Variants in HTR7 observed in about 807,000 individuals in gnomAD.
HTR7 encodes 5-HT-7.
A neutral mutation model predicts 34.0 loss-of-function variants in HTR7; 16 were observed. The observed-to-expected ratio is 0.47, with a 90% confidence interval of 0.32 to 0.71. The LOEUF (loss-of-function observed/expected upper bound fraction) is 0.71, where lower values mean the gene tolerates loss of function less well. HTR7 is among the 30% of genes least tolerant of loss of function. The pLI, the probability that HTR7 is intolerant of heterozygous loss-of-function variation, is 0.04. For synonymous variants in HTR7, 265 were observed against 260.2 expected (o/e 1.02, Z -0.18); for missense variants, 504 against 625.5 (o/e 0.81, Z 2.07).
chr10:90,767,552 T>C (rs1411179268), intron 1 of HTR7, among the ~76,000 whole-genome samples: 3 of 152,184 alleles, frequency 2.0e-5, no homozygotes, highest in African/African-American at 4.8e-5. Flanking sequence ...CCCTCTTTGA[T>C]AGATAAATTT....
At chr10:90,791,208 C>A (rs1280727336) in intron 1 of HTR7, among the ~76,000 whole-genome samples, 1 of 151,686 alleles carries the variant, frequency 6.6e-6, no homozygotes, top group East Asian at 1.9e-4. Context: ...AATACCTGAA[C>A]ACAAGAAGGT....
At chr10:90,826,796 G>A (rs1276465796) in intron 1 of HTR7, among the ~76,000 whole-genome samples, 1 of 151,950 alleles carries the variant, frequency 6.6e-6, no homozygotes, top group African/African-American at 2.4e-5. Context: ...AATTAGCCAG[G>A]TGTGGTGGCG....
At position 90,857,418 on chromosome 10, in the gene HTR7, C is replaced by T. The variant is rs779742792; in HGVS notation, c.254G>A (p.Gly85Asp). 2 of 1,614,070 alleles carry T rather than the reference C, an allele frequency of 1.2e-6. No individual in the cohort carries two copies. The highest frequency in any genetic ancestry group is 1.1e-5 in the South Asian group (1 of 91,076). ...NYGRVEKVVI[G>D]SILTLITLLT... ...CAGCGTGATGAGCGTCAGGATGGAG[C>T]CGATCACAACTTTCTCGACTCTGCC... Residue 85 changes from glycine to aspartate, a missense_variant, in exon 1 of 4, where the codon GGC (glycine) becomes GAC (aspartate). Physicochemically the swap from Gly to Asp is moderately conservative, Grantham distance 94. Transcript: ENST00000336152. This position sits in a 1 kb window ranked among gnomAD's most constrained non-coding sequence, Gnocchi z 6.5.
At chr10:90,800,413 G>A (rs1845606364) in intron 1 of HTR7, among the ~76,000 whole-genome samples, 1 of 152,108 alleles carries the variant, frequency 6.6e-6, no homozygotes, top group Non-Finnish European at 1.5e-5. Flanking sequence ...GAGTCACAGT[G>A]ACAAGGGATA....
At chr10:90,791,321 TATACACA>T (rs980823543) in intron 1 of HTR7, among the ~76,000 whole-genome samples, 9 of 152,112 alleles carry the variant, frequency 5.9e-5, no homozygotes, top group Non-Finnish European at 1.2e-4. Flanking sequence ...TAATGTATAT[TATACACA>T]ATACCTAAAG....
intron 1 of HTR7, among the ~76,000 whole-genome samples, chr10:90,813,142 C>T (rs1387191154): frequency 6.6e-6 from 1 of 152,192 alleles, no homozygotes; most frequent in African/African-American, 2.4e-5. Context: ...ACGGCCCCAC[C>T]CCTATCTCCC....
intron 1 of HTR7, among the ~76,000 whole-genome samples, chr10:90,796,386 A>C (rs1271593003): frequency 6.6e-6 from 1 of 152,242 alleles, no homozygotes; most frequent in Admixed American, 6.5e-5. Context: ...TAAATAACAA[A>C]AGGTTGAAAA....
At chr10:90,833,255 G>A (rs748834302) in intron 1 of HTR7, among the ~76,000 whole-genome samples, 1 of 152,174 alleles carries the variant, frequency 6.6e-6, no homozygotes, top group Non-Finnish European at 1.5e-5. Flanking sequence ...GCCTCTAGGG[G>A]ACCTTCCAAG....
intron 1 of HTR7, among the ~76,000 whole-genome samples, chr10:90,812,428 G>A (rs1345948555): frequency 1.3e-5 from 2 of 152,166 alleles, no homozygotes; most frequent in Non-Finnish European, 2.9e-5. Context: ...TTGCTGGCAG[G>A]ACTATGCTGA....
intron 1 of HTR7, among the ~76,000 whole-genome samples, chr10:90,791,949 G>A (rs1471307289): frequency 6.6e-6 from 1 of 151,992 alleles, no homozygotes; most frequent in African/African-American, 2.4e-5. Context: ...AAAGACATCA[G>A]GAAATTAAAG....
intron 1 of HTR7, among the ~76,000 whole-genome samples, chr10:90,769,948 A>G (rs1845080652): frequency 6.6e-6 from 1 of 152,258 alleles, no homozygotes; most frequent in Non-Finnish European, 1.5e-5. Flanking sequence ...TGGCTGCAGC[A>G]AGGAGGTGCG....
At chr10:90,807,280 C>A (rs993670060) in intron 1 of HTR7, among the ~76,000 whole-genome samples, 1 of 152,132 alleles carries the variant, frequency 6.6e-6, no homozygotes, top group African/African-American at 2.4e-5. Context: ...CACGGTGGAT[C>A]ACACCTATTG....
At chr10:90,800,865 T>C (rs1305598839) in intron 1 of HTR7, among the ~76,000 whole-genome samples, 1 of 152,198 alleles carries the variant, frequency 6.6e-6, no homozygotes, top group Non-Finnish European at 1.5e-5. Context: ...TCAATAAAGC[T>C]CCATGATTTG....
chr10:90,796,018 T>C (rs1186158585), intron 1 of HTR7, among the ~76,000 whole-genome samples: 3 of 152,166 alleles, frequency 2.0e-5, no homozygotes, highest in African/African-American at 7.2e-5. Context: ...AGACAATAGA[T>C]TGTATAAATG....
chr10:90,853,093 G>T (rs372797291), intron 1 of HTR7, among the ~76,000 whole-genome samples: 1 of 150,184 alleles, frequency 6.7e-6, no homozygotes, highest in Non-Finnish European at 1.5e-5. Context: ...ACCAATATAG[G>T]TGATATATAT....
At chr10:90,792,379 G>T (rs1233828295) in intron 1 of HTR7, among the ~76,000 whole-genome samples, 1 of 151,718 alleles carries the variant, frequency 6.6e-6, no homozygotes, top group Non-Finnish European at 1.5e-5. Context: ...TTTTGTTTTT[G>T]GTTTGGTTTT....
chr10:90,788,809 A>G (rs529760121), intron 1 of HTR7, among the ~76,000 whole-genome samples: 1 of 152,226 alleles, frequency 6.6e-6, no homozygotes, highest in East Asian at 1.9e-4. Flanking sequence ...GAAAAACAGA[A>G]GAGAGGAGGT....
chr10:90,814,390 A>G (rs1048065397), intron 1 of HTR7, among the ~76,000 whole-genome samples: 3 of 152,154 alleles, frequency 2.0e-5, no homozygotes, highest in African/African-American at 7.2e-5. Flanking sequence ...ACCCTATGTA[A>G]TGCTACTCCT....
At chr10:90,757,823 C>T (rs1189619603) in intron 1 of HTR7, among the ~76,000 whole-genome samples, 1 of 152,100 alleles carries the variant, frequency 6.6e-6, no homozygotes, top group Non-Finnish European at 1.5e-5. Flanking sequence ...ACTTGAAGAA[C>T]CAAGTCAAAA....
Sources: gnomAD v4.1 joint callset for allele counts (sites outside exome capture counted in the v4.1 genomes callset) on GRCh38, gnomAD v4.1.1 for gene constraint, Gnocchi (gnomAD v3.1) non-coding constraint, MANE v1.5 for transcripts, NCBI Gene and HGNC (gene_info 2026-07-23, HGNC 2026-07-21) for gene names.